The following RALYL variants were observed in gnomAD, a reference collection of about 807,000 sequenced individuals.
RALYL encodes RNA-binding Raly-like protein.
RALYL carries 29 observed loss-of-function variants against 35.1 expected under a neutral mutation model. The observed-to-expected ratio is 0.83, with a 90% confidence interval of 0.61 to 1.13. RALYL has a LOEUF of 1.13. Among genes scored for constraint, RALYL ranks in the 50% most tolerant of loss-of-function variants. The pLI is 0.00. For missense variants in RALYL, 359 were observed against 360.4 expected, an observed-to-expected ratio of 1.00 and a Z score of 0.03; for synonymous variants, 120 against 127.6, an observed-to-expected ratio of 0.94 and a Z score of 0.40.
chr8:84,764,518 T>C (rs1161793646), intron 2 of RALYL, among the ~76,000 whole-genome samples: 1 of 152,218 alleles, frequency 6.6e-6, no homozygotes, highest in African/African-American at 2.4e-5. Flanking sequence ...ATAAGTCACA[T>C]ACAATGATCA....
chr8:84,793,686 A>G (rs1328092458), intron 3 of RALYL, among the ~76,000 whole-genome samples: 1 of 152,186 alleles, frequency 6.6e-6, no homozygotes, highest in East Asian at 1.9e-4. Context: ...AATATTCAAT[A>G]ATCCAGGTAG....
At chr8:84,737,758 G>T (rs1847577741) in intron 2 of RALYL, among the ~76,000 whole-genome samples, 1 of 151,810 alleles carries the variant, frequency 6.6e-6, no homozygotes, top group African/African-American at 2.4e-5. Flanking sequence ...CTTATGATGG[G>T]ATTTATGCTT....
intron 1 of RALYL, among the ~76,000 whole-genome samples, chr8:84,281,505 A>G (rs1488882296): frequency 2.0e-5 from 3 of 149,790 alleles, no homozygotes; most frequent in Admixed American, 1.3e-4. Context: ...TCCTCTCTTG[A>G]GCATATGGCA....
At chr8:84,887,122 CT>C (rs10712256) in intron 7 of RALYL, among the ~76,000 whole-genome samples, 69,626 of 151,950 alleles carry the variant, frequency 0.46, 18,975 homozygotes, top group African/African-American at 0.75. Context: ...TGCTTTTGTA[CT>C]TTTTTCCTCA....
At chr8:84,733,243 G>T (rs543483921) in intron 2 of RALYL, among the ~76,000 whole-genome samples, 1 of 152,074 alleles carries the variant, frequency 6.6e-6, no homozygotes, top group Non-Finnish European at 1.5e-5. Flanking sequence ...TAGGCCCTTC[G>T]TTATACTCAG....
chr8:84,845,883 A>G (rs1251347264), intron 4 of RALYL, among the ~76,000 whole-genome samples: 1 of 152,150 alleles, frequency 6.6e-6, no homozygotes, highest in Non-Finnish European at 1.5e-5. Flanking sequence ...TGATGGCACT[A>G]TTGACTAGGG....
rs1488768516 is a variant in RALYL, at chr8:84,863,156, C to A, written c.571+703C>A. ...AGATTGCCTTTTATCAGAAAACAAA[C>A]AGATAATAAGCTGACCTATAGGTAA... On this transcript the variant is annotated intron_variant, in intron 6 of 8. Transcript: ENST00000521268. Among the ~76,000 whole-genome samples, 8 of 151,968 alleles carry A rather than the reference C, an allele frequency of 5.3e-5. 1 individual carries two copies. The highest frequency in any genetic ancestry group is 5.9e-5 in the Non-Finnish European group (4 of 67,976).
intron 8 of RALYL, among the ~76,000 whole-genome samples, chr8:84,904,257 A>T (rs539887444): frequency 2.6e-4 from 39 of 152,304 alleles, no homozygotes; most frequent in African/African-American, 9.4e-4. Flanking sequence ...TCACTGAAAA[A>T]AATAGATGAT....
chr8:84,863,073 T>G (rs1343088454), intron 6 of RALYL, among the ~76,000 whole-genome samples: 5 of 152,318 alleles, frequency 3.3e-5, no homozygotes, highest in Non-Finnish European at 5.9e-5. Flanking sequence ...AGAAAAAAAT[T>G]TTATTTGTTA....
rs1309146060 is a variant in RALYL, at chr8:84,833,686, CT to C, written c.366-16292del. The stretch of plus-strand genomic sequence containing the variant: ...AAGAAAGATTTCATTATCTTTGTGG[CT>C]TAATATTGAGATTGCAATTGACAAA... On this transcript the variant is annotated intron_variant, in intron 4 of 8. Coordinates refer to ENST00000521268, the MANE Select transcript of RALYL (RefSeq NM_173848.7). 6.0e-5 allele frequency among the ~76,000 whole-genome samples: 9 copies of C among 150,738 alleles called. No individual in the cohort carries two copies. In the East Asian group the frequency reaches 1.4e-3, roughly 23 times the overall value.
intron 2 of RALYL, among the ~76,000 whole-genome samples, chr8:84,643,235 A>C (rs973027025): frequency 1.3e-5 from 2 of 151,896 alleles, no homozygotes; most frequent in African/African-American, 4.8e-5. Flanking sequence ...CAAAACCCCA[A>C]GGGTACCACA....
intron 1 of RALYL, among the ~76,000 whole-genome samples, chr8:84,250,963 C>A (rs1438042285): frequency 6.6e-6 from 1 of 152,072 alleles, no homozygotes; most frequent in African/African-American, 2.4e-5. Context: ...GATTTTTATT[C>A]CTTCTTGCAC....
intron 3 of RALYL, among the ~76,000 whole-genome samples, chr8:84,782,009 C>T (rs184522011): frequency 5.4e-5 from 8 of 148,248 alleles, no homozygotes; most frequent in African/African-American, 7.6e-5. Flanking sequence ...TTAGACAATA[C>T]GTGCATGCTG....
intron 2 of RALYL, among the ~76,000 whole-genome samples, chr8:84,533,062 T>C (rs1245260213): frequency 6.6e-6 from 1 of 152,138 alleles, no homozygotes; most frequent in Non-Finnish European, 1.5e-5. Context: ...TATGAAATTA[T>C]TCATTATTCA....
intron 1 of RALYL, among the ~76,000 whole-genome samples, chr8:84,280,521 A>T (rs1836329482): frequency 1.3e-5 from 2 of 151,942 alleles, no homozygotes; most frequent in Non-Finnish European, 2.9e-5. Context: ...GGAGTTGAAA[A>T]ATTTCAGACA....
intron 2 of RALYL, among the ~76,000 whole-genome samples, chr8:84,732,687 C>CTGTGT (rs1563469361): frequency 1.2e-5 from 1 of 84,164 alleles, no homozygotes; most frequent in African/African-American, 7.0e-5. Context: ...TATATATACA[C>CTGTGT]ACACACACAC....
At chr8:84,694,578 A>T (rs1341204627) in intron 2 of RALYL, among the ~76,000 whole-genome samples, 1 of 151,890 alleles carries the variant, frequency 6.6e-6, no homozygotes, top group Non-Finnish European at 1.5e-5. Flanking sequence ...TTCCAATGAC[A>T]TTCTCCACAG....
intron 2 of RALYL, among the ~76,000 whole-genome samples, chr8:84,710,812 C>A (rs1382460595): frequency 3.3e-5 from 5 of 152,044 alleles, no homozygotes; most frequent in East Asian, 3.8e-4. Flanking sequence ...ATATTTTTGA[C>A]CACCTACTAC....
At chr8:84,748,130 T>C (rs892741004) in intron 2 of RALYL, among the ~76,000 whole-genome samples, 2 of 152,038 alleles carry the variant, frequency 1.3e-5, no homozygotes, top group African/African-American at 4.8e-5. Context: ...CTTGAATTAA[T>C]TTATTTAATC....
Sources: gnomAD v4.1 joint callset for allele counts (sites outside exome capture counted in the v4.1 genomes callset) on GRCh38, gnomAD v4.1.1 for gene constraint, MANE v1.5 for transcripts, NCBI Gene and HGNC (gene_info 2026-07-23, HGNC 2026-07-21) for gene names.